MAPKAP1: variants seen among roughly 807,000 people sequenced by gnomAD.
MAPKAP1 encodes the protein MAPK associated protein 1.
A neutral mutation model predicts 65.7 loss-of-function variants in MAPKAP1; 20 were observed. That is an observed-to-expected ratio of 0.30 (90% CI 0.21 to 0.44). The LOEUF (loss-of-function observed/expected upper bound fraction) is 0.44, where lower values mean the gene tolerates loss of function less well. Among genes scored for constraint, MAPKAP1 ranks in the 20% least tolerant of loss-of-function variants. The probability of loss-of-function intolerance (pLI) is 1.00; values close to 1 mark genes in which losing one functional copy is unlikely to be tolerated. For missense variants in MAPKAP1, 423 were observed against 648.0 expected (o/e 0.65, Z 3.77); for synonymous variants, 222 against 244.3 (o/e 0.91, Z 0.85).
chr9:125,648,370 C>T (rs1039149317), intron 4 of MAPKAP1, among the ~76,000 whole-genome samples: 1 of 152,204 alleles, frequency 6.6e-6, no homozygotes, highest in African/African-American at 2.4e-5. Context: ...TCTGTACCCC[C>T]CTACATCTCA....
chr9:125,663,026 T>C (rs1447465854), intron 3 of MAPKAP1, among the ~76,000 whole-genome samples: 2 of 152,194 alleles, frequency 1.3e-5, no homozygotes, highest in African/African-American at 4.8e-5. Flanking sequence ...TAAACCATTC[T>C]CTCTACTTCT....
intron 4 of MAPKAP1, among the ~76,000 whole-genome samples, chr9:125,620,999 C>T (rs1485641014): frequency 3.9e-5 from 6 of 152,040 alleles, no homozygotes; most frequent in East Asian, 1.9e-4. Context: ...AGGCCAGATG[C>T]GGTGGCTGAT....
intron 10 of MAPKAP1, among the ~76,000 whole-genome samples, chr9:125,448,993 A>G (rs546104528): frequency 1.3e-4 from 18 of 141,974 alleles, no homozygotes; most frequent in Admixed American, 1.2e-3. Context: ...TGACAGAGCG[A>G]GACTCTGTCT....
chr9:125,575,840 T>G (rs935042034), intron 5 of MAPKAP1, among the ~76,000 whole-genome samples: 8 of 152,348 alleles, frequency 5.3e-5, no homozygotes, highest in Admixed American at 2.0e-4. Context: ...ATCACACTCC[T>G]ACATATTTGC....
intron 7 of MAPKAP1, among the ~76,000 whole-genome samples, chr9:125,520,479 G>C (rs765814417): frequency 1.1e-4 from 16 of 152,064 alleles, no homozygotes; most frequent in Admixed American, 5.9e-4. Context: ...GCTCATACTA[G>C]TCCCTCAGTT....
rs774612362 is a variant in MAPKAP1 at position 125,672,518 on chromosome 9, C to A, written c.57G>T (p.Val19=). The change falls in exon 2 of 12, where the codon GTG becomes GTT. Residue 19 remains valine, a synonymous_variant. Coordinates refer to ENST00000265960, the MANE Select transcript of MAPKAP1 (RefSeq NM_001006617.3). The stretch of plus-strand genomic sequence containing the variant: ...CACACATTCCCGTGTCATCACTGGT[C>A]ACATGTGACTGTCGAATATGAGCTA... The part of the protein sequence containing the change: ...IILAHIRQSH[V]TSDDTGMCEM... The A allele has an allele frequency of 9.0e-5, 146 of 1,614,004 alleles. No homozygotes were observed. The highest frequency in any genetic ancestry group is 1.2e-4 in the Non-Finnish European group (142 of 1,180,006).
At chr9:125,666,959 A>G (rs1834356760) in intron 3 of MAPKAP1, among the ~76,000 whole-genome samples, 1 of 152,216 alleles carries the variant, frequency 6.6e-6, no homozygotes, top group Non-Finnish European at 1.5e-5. Flanking sequence ...GAATCAGGGA[A>G]TAACAGTTCA....
At chr9:125,473,256 GA>G (rs1853989722) in intron 9 of MAPKAP1, among the ~76,000 whole-genome samples, 1 of 152,044 alleles carries the variant, frequency 6.6e-6, no homozygotes, top group Non-Finnish European at 1.5e-5. Context: ...GGGAAGAAAA[GA>G]GCACGGGGGC....
At chr9:125,514,264 C>T (rs537759802) in intron 7 of MAPKAP1, among the ~76,000 whole-genome samples, 1 of 152,184 alleles carries the variant, frequency 6.6e-6, no homozygotes, top group Non-Finnish European at 1.5e-5. Flanking sequence ...CTTCTCTGTG[C>T]TCCCACACAG....
At chr9:125,623,385 A>G (rs1449163896) in intron 4 of MAPKAP1, among the ~76,000 whole-genome samples, 1 of 42,594 alleles carries the variant, frequency 2.3e-5, no homozygotes, top group Non-Finnish European at 5.1e-5. Context: ...ACATCTAGGA[A>G]GTGAGGAGCG....
At chr9:125,664,347 C>CA (rs891160056) in intron 3 of MAPKAP1, among the ~76,000 whole-genome samples, 3 of 142,528 alleles carry the variant, frequency 2.1e-5, no homozygotes, top group African/African-American at 5.2e-5. Flanking sequence ...AACTCCGTCT[C>CA]AAAAAAAATA....
In MAPKAP1 at chr9:125,535,154, C is replaced by G. The variant is rs1830038035; in HGVS notation, c.958+7905G>C. On this transcript the variant is annotated intron_variant, in intron 7 of 11. Transcript: ENST00000265960. The stretch of plus-strand genomic sequence containing the variant: ...GCTTACCCTCTGCCCTCTTCCTGCT[C>G]CAATGATTTGGAACTTCTATGTTTT... 2.6e-5 allele frequency among the ~76,000 whole-genome samples: 4 copies of G among 152,046 alleles called. No homozygotes were observed. The South Asian group carries it at 8.3e-4, about 31-fold the overall frequency.
intron 5 of MAPKAP1, among the ~76,000 whole-genome samples, chr9:125,570,857 C>T (rs1424106414): frequency 1.3e-5 from 2 of 151,794 alleles, no homozygotes; most frequent in Non-Finnish European, 2.9e-5. Flanking sequence ...TTCAATTTTT[C>T]CACAAATTAA....
intron 5 of MAPKAP1, among the ~76,000 whole-genome samples, chr9:125,570,021 G>A (rs534253667): frequency 6.6e-6 from 1 of 152,290 alleles, no homozygotes; most frequent in South Asian, 2.1e-4. Context: ...AATGCTTTAA[G>A]GTCATGAACT....
Position 125,444,436 on chromosome 9 carries a change from C to T in MAPKAP1, c.1443+65G>A, listed in dbSNP as rs542778781. On this transcript the variant is annotated intron_variant, in intron 11 of 11. Coordinates refer to ENST00000265960, the MANE Select transcript of MAPKAP1 (RefSeq NM_001006617.3). ...GGAGTGGGTGGGGCTGCGGCCATGC[C>T]GCAAACAGCCTGAAGAGAAGCTGGA... 315 of 1,298,422 alleles carry T rather than the reference C, an allele frequency of 2.4e-4. 2 individuals are homozygous for T. In the South Asian group the frequency reaches 3.6e-3, roughly 15 times the overall value. 80.4% of individuals were successfully genotyped at this position (1,298,422 alleles called of 1,614,324 possible).
At chr9:125,452,427 T>C (rs1852990857) in intron 10 of MAPKAP1, among the ~76,000 whole-genome samples, 1 of 151,984 alleles carries the variant, frequency 6.6e-6, no homozygotes, top group Non-Finnish European at 1.5e-5. Flanking sequence ...ACATACCATC[T>C]GGACCCCCTA....
chr9:125,666,041 G>A (rs1240993660), intron 3 of MAPKAP1, among the ~76,000 whole-genome samples: 1 of 152,076 alleles, frequency 6.6e-6, no homozygotes, highest in African/African-American at 2.4e-5. Flanking sequence ...CAATGAGTAA[G>A]GGTAATAACT....
At chr9:125,618,312 A>G (rs1027693655) in intron 4 of MAPKAP1, among the ~76,000 whole-genome samples, 4 of 119,470 alleles carry the variant, frequency 3.3e-5, no homozygotes, top group Non-Finnish European at 6.5e-5. Context: ...ACTGCACTCC[A>G]GCCTGGGTGA....
intron 10 of MAPKAP1, among the ~76,000 whole-genome samples, chr9:125,446,079 T>C (rs571043056): frequency 3.3e-4 from 50 of 152,316 alleles, no homozygotes; most frequent in South Asian, 8.3e-4. Context: ...CGGCTGGTCA[T>C]AGTTATTAAT....
Sources: gnomAD v4.1 joint callset for allele counts (sites outside exome capture counted in the v4.1 genomes callset) on GRCh38, gnomAD v4.1.1 for gene constraint, MANE v1.5 for transcripts, NCBI Gene and HGNC (gene_info 2026-07-23, HGNC 2026-07-21) for gene names.